TMPRSS9: variants seen among roughly 807,000 people sequenced by gnomAD.
The protein encoded by TMPRSS9 is transmembrane serine protease 9, also known as transmembrane protease serine 9.
In TMPRSS9, 113 loss-of-function variants were observed where a neutral mutation model predicts 111.4. The observed-to-expected ratio is 1.01, with a 90% CI of 0.87 to 1.19. The LOEUF is 1.19. TMPRSS9 is among the 50% of genes most tolerant of loss of function. The probability of loss-of-function intolerance (pLI) is 0.00; values close to 1 mark genes in which losing one functional copy is unlikely to be tolerated. For missense variants in TMPRSS9, 1,803 were observed against 1,513.1 expected (o/e 1.19, Z -3.18); for synonymous variants, 805 against 659.1 (o/e 1.22, Z -3.39).
upstream of TMPRSS9, among the ~76,000 whole-genome samples, chr19:2,388,741 C>G (rs1372752232): frequency 6.6e-6 from 1 of 152,148 alleles, no homozygotes; most frequent in Non-Finnish European, 1.5e-5. Context: ...CTGCCTCAGC[C>G]TCCTGAGTGG....
intron 11 of TMPRSS9, 32 bp from the exon 13 acceptor site, chr19:2,416,506 G>A (rs768847007): frequency 5.0e-6 from 8 of 1,585,278 alleles, no homozygotes; most frequent in Admixed American, 3.4e-5. Flanking sequence ...TGTGCTGGAG[G>A]GCAGGCATGT....
At chr19:2,374,864 G>C (rs529439405) in intron 1 of TMPRSS9, among the ~76,000 whole-genome samples, 3 of 152,188 alleles carry the variant, frequency 2.0e-5, no homozygotes, top group Admixed American at 2.0e-4. Context: ...GGGGAAGAGC[G>C]TTTCCTTTAG....
At chr19:2,388,946 C>A (rs1053488602), upstream of TMPRSS9, among the ~76,000 whole-genome samples, 1 of 151,736 alleles carries the variant, frequency 6.6e-6, no homozygotes, top group Non-Finnish European at 1.5e-5. Flanking sequence ...TCCCTCTAAG[C>A]CCCCAAGCGT....
intron 2 of TMPRSS9, among the ~76,000 whole-genome samples, chr19:2,398,226 A>G (rs62120707): frequency 0.48 from 71,153 of 149,292 alleles, 18,377 homozygotes; most frequent in African/African-American, 0.69. Context: ...AACCTGAGAG[A>G]CGGAAGTTGC....
chr19:2,390,592 C>T (rs903560050), intron 1 of TMPRSS9, among the ~76,000 whole-genome samples: 1 of 150,716 alleles, frequency 6.6e-6, no homozygotes, highest in Non-Finnish European at 1.5e-5. Context: ...GTGGTGGCTC[C>T]CGCCTGTAAT....
chr19:2,405,668 T>C, intron 7 of TMPRSS9, 123 bp downstream of exon 8: 2 of 1,096,098 alleles, frequency 1.8e-6, no homozygotes, highest in South Asian at 4.4e-5. Flanking sequence ...TCTTTTCCTT[T>C]CTTTCTTGCT....
rs1286150381 is a variant in TMPRSS9 at position 2,401,900 on chromosome 19, G to A, written c.515-75G>A. ...TGGGATTACAGGTGTGAGCCACCGC[G>A]CCCGGCCAATAGGATGTGTTCAAAG... On this transcript the variant is annotated intron_variant, in intron 4 of 17. Coordinates refer to ENST00000648592, the Ensembl canonical transcript of TMPRSS9. The A allele has an allele frequency of 2.2e-5, 31 of 1,388,648 alleles. No homozygotes were observed. In the East Asian group the frequency reaches 3.1e-4, roughly 14 times the overall value. 86.0% of individuals were successfully genotyped at this position (1,388,648 alleles called of 1,614,324 possible).
chr19:2,362,818 G>A (rs1196146649), intron 1 of TMPRSS9, among the ~76,000 whole-genome samples: 3 of 151,938 alleles, frequency 2.0e-5, no homozygotes, highest in African/African-American at 4.8e-5. Flanking sequence ...ATGTGGTTGT[G>A]TGAGGTGTGT....
At chr19:2,379,178 TC>T (rs758268472) in intron 1 of TMPRSS9, among the ~76,000 whole-genome samples, 9,565 of 128,150 alleles carry the variant, frequency 0.075, 893 homozygotes, top group African/African-American at 0.22. Flanking sequence ...TGAGCTTCTT[TC>T]TCTTTTTTTT....
chr19:2,394,646 G>C (rs929489998), intron 1 of TMPRSS9, among the ~76,000 whole-genome samples: 1 of 152,150 alleles, frequency 6.6e-6, no homozygotes, highest in Non-Finnish European at 1.5e-5. Flanking sequence ...AATTGGTTCA[G>C]AATATTCTAT....
intron 6 of TMPRSS9, among the ~76,000 whole-genome samples, chr19:2,404,521 C>T (rs1276500171): frequency 1.3e-5 from 2 of 150,170 alleles, no homozygotes; most frequent in African/African-American, 4.9e-5. Flanking sequence ...CCAGCCTGAG[C>T]TACAGAGCAA....
At chr19:2,408,230 A>G in intron 7 of TMPRSS9, 126 bp from the exon 9 acceptor site, 1 of 942,672 alleles carries the variant, frequency 1.1e-6, no homozygotes, top group Non-Finnish European at 1.6e-6. Context: ...ATTTTTATAA[A>G]TACTATTCAT....
exon 16 of TMPRSS9, chr19:2,425,260 CGAA>C (rs1393757220): frequency 5.2e-6 from 7 of 1,357,838 alleles, no homozygotes; most frequent in Admixed American, 4.0e-5. Flanking sequence ...GCTCGGTGCG[CGAA>C]GGAGGTAGGC....
rs1971219883 is a variant in TMPRSS9 at position 2,415,849 on chromosome 19, C to T, written c.1745+8C>T. The T allele has an allele frequency of 6.4e-7, 1 of 1,568,358 alleles. No homozygotes were observed. Among genetic ancestry groups the T allele is most frequent in the Non-Finnish European group, 8.7e-7 (1 of 1,152,460 alleles). On this transcript the variant is annotated splice_region_variant and intron_variant, in intron 11 of 17. Coordinates refer to ENST00000648592, the Ensembl canonical transcript of TMPRSS9. ...CGCCCACTGCTTCAACCAGTAAGGC[C>T]CGCCTCCTCCAGGAAGGCTGCCCGG...
chr19:2,418,276 CCTTTT>C lies in TMPRSS9; in HGVS notation c.2154+140_2154+144del, dbSNP rs1971306420. 3.4e-5 allele frequency: 33 copies of C among 957,696 alleles called. 2 individuals carry two copies. The highest frequency in any genetic ancestry group is 4.3e-5 in the Non-Finnish European group (29 of 675,558). The allele number at this position is 957,696 out of a possible 1,614,324, so 59.3% of individuals were successfully genotyped here. A position where few individuals can be genotyped will look rare whatever the true frequency, so the allele number is the denominator to read the frequency against. On this transcript the variant is annotated intron_variant, in intron 13 of 17. Coordinates refer to ENST00000648592, the Ensembl canonical transcript of TMPRSS9. ...CCTCCTTCCCTCCTTGTCCTTCCCT[CCTTTT>C]CCTTTCCTCCTTTCCTTCCCTCCCT... is the stretch of plus-strand genomic sequence containing the variant.
exon 6 of TMPRSS9, chr19:2,403,136 T>A: frequency 6.2e-7 from 1 of 1,612,706 alleles, no homozygotes; most frequent in Non-Finnish European, 8.5e-7. Context: ...GTGACCAAGG[T>A]GAACCCGGAG....
chr19:2,407,464 T>C (rs752398814), intron 7 of TMPRSS9, among the ~76,000 whole-genome samples: 40 of 151,578 alleles, frequency 2.6e-4, no homozygotes, highest in Non-Finnish European at 3.2e-4. Context: ...GAGGTGGAAG[T>C]TGCAGTGAGC....
At chr19:2,363,398 G>T (rs747115953) in intron 1 of TMPRSS9, among the ~76,000 whole-genome samples, 2 of 152,038 alleles carry the variant, frequency 1.3e-5, no homozygotes, top group African/African-American at 4.8e-5. Context: ...AGGGCTTTGC[G>T]GAGACGTGGA....
intron 2 of TMPRSS9, among the ~76,000 whole-genome samples, chr19:2,398,289 C>G (rs1449913115): frequency 4.0e-5 from 6 of 151,126 alleles, no homozygotes; most frequent in Non-Finnish European, 8.8e-5. Context: ...GAGCAAGACT[C>G]TGTCTCAAAA....
Sources: gnomAD v4.1 joint callset for allele counts (sites outside exome capture counted in the v4.1 genomes callset) on GRCh38, gnomAD v4.1.1 for gene constraint, MANE v1.5 for transcripts, NCBI Gene and HGNC (gene_info 2026-07-23, HGNC 2026-07-21) for gene names.